LRRC7: variants seen among roughly 807,000 people sequenced by gnomAD.
LRRC7 encodes the protein leucine-rich repeat-containing protein 7.
LRRC7 carries 23 observed loss-of-function variants against 175.7 expected under a neutral mutation model. The observed-to-expected ratio is 0.13, with a 90% confidence interval of 0.09 to 0.19. LRRC7 has a LOEUF of 0.19. Ranked by LOEUF, LRRC7 falls within the 10% of genes least tolerant of loss-of-function variation. The pLI, the probability that LRRC7 is intolerant of heterozygous loss-of-function variation, is 1.00. For synonymous variants in LRRC7, 685 were observed against 680.9 expected (o/e 1.01, Z -0.09); for missense variants, 1,354 against 1,904.7 (o/e 0.71, Z 5.38).
chr1:69,575,558 T>C (rs1448388459), intron 1 of LRRC7, among the ~76,000 whole-genome samples: 1 of 152,194 alleles, frequency 6.6e-6, no homozygotes, highest in African/African-American at 2.4e-5. Context: ...TTTTAAAATA[T>C]CTTTATTTAA....
At chr1:69,627,554 G>T (rs1651798673) in intron 1 of LRRC7, among the ~76,000 whole-genome samples, 3 of 151,968 alleles carry the variant, frequency 2.0e-5, no homozygotes, top group Admixed American at 2.0e-4. Context: ...AGTTTCTTTT[G>T]CTGTGCAGAA....
At chr1:69,919,814 A>G in intron 7 of LRRC7, 1 of 772,896 alleles carries the variant, frequency 1.3e-6, no homozygotes, top group South Asian at 1.7e-5. Flanking sequence ...GGATTCCGGC[A>G]TCCACGTCAT....
chr1:70,097,699 A>G (rs559327704), intron 25 of LRRC7, among the ~76,000 whole-genome samples: 15 of 150,404 alleles, frequency 1.0e-4, no homozygotes, highest in Non-Finnish European at 3.0e-5. Flanking sequence ...CCTATGAGTG[A>G]GAATATGCGG....
At chr1:69,754,365 A>G (rs1570635051) in intron 2 of LRRC7, among the ~76,000 whole-genome samples, 1 of 152,136 alleles carries the variant, frequency 6.6e-6, no homozygotes, top group East Asian at 1.9e-4. Flanking sequence ...CTTGTTCAGG[A>G]AATGTTTAGG....
At chr1:69,893,492 A>G (rs1645894864) in intron 7 of LRRC7, among the ~76,000 whole-genome samples, 1 of 152,230 alleles carries the variant, frequency 6.6e-6, no homozygotes, top group Admixed American at 6.5e-5. Flanking sequence ...GTTTCAGCTT[A>G]TGCTATGTAT....
chr1:69,577,684 A>G (rs1646011595), intron 1 of LRRC7, among the ~76,000 whole-genome samples: 2 of 152,238 alleles, frequency 1.3e-5, no homozygotes, highest in Admixed American at 1.3e-4. Flanking sequence ...AAGATCAGAT[A>G]GTTGTAGATA....
chr1:69,677,789 A>G (rs1477041273), intron 1 of LRRC7, among the ~76,000 whole-genome samples: 1 of 152,084 alleles, frequency 6.6e-6, no homozygotes, highest in Non-Finnish European at 1.5e-5. Flanking sequence ...AAAATACCAT[A>G]GACTCGGTGG....
At chr1:69,750,250 G>A (rs1394285339) in intron 2 of LRRC7, among the ~76,000 whole-genome samples, 1 of 151,808 alleles carries the variant, frequency 6.6e-6, no homozygotes, top group Non-Finnish European at 1.5e-5. Flanking sequence ...GCAAGTTCTA[G>A]TGTTCAGTAG....
intron 5 of LRRC7, among the ~76,000 whole-genome samples, chr1:69,830,953 A>G (rs937612455): frequency 1.2e-4 from 18 of 151,952 alleles, no homozygotes; most frequent in Non-Finnish European, 2.2e-4. Flanking sequence ...AAACTCTGAA[A>G]CAAAATGTTC....
At chr1:69,937,535 C>T (rs545591026) in intron 8 of LRRC7, among the ~76,000 whole-genome samples, 1 of 152,050 alleles carries the variant, frequency 6.6e-6, no homozygotes, top group East Asian at 1.9e-4. Context: ...TCTATATAAA[C>T]TATTTGGTTC....
intron 2 of LRRC7, among the ~76,000 whole-genome samples, chr1:69,717,760 A>AAG (rs1461024195): frequency 1.2e-4 from 5 of 43,354 alleles, no homozygotes; most frequent in African/African-American, 6.0e-4. Context: ...TGGAACATGA[A>AAG]AAAAAGAAAA....
At chr1:69,725,072 T>A (rs1286116617) in intron 2 of LRRC7, among the ~76,000 whole-genome samples, 2 of 152,072 alleles carry the variant, frequency 1.3e-5, no homozygotes, top group Non-Finnish European at 2.9e-5. Context: ...TTAATATATA[T>A]ACATGTTTTA....
intron 7 of LRRC7, among the ~76,000 whole-genome samples, chr1:69,930,718 A>G (rs1349203502): frequency 1.3e-5 from 2 of 152,222 alleles, no homozygotes; most frequent in African/African-American, 2.4e-5. Flanking sequence ...ACAGTTCCAC[A>G]TGGCTGGGCA....
chr1:69,773,428 AT>A (rs1202360400), intron 3 of LRRC7, among the ~76,000 whole-genome samples: 12 of 152,320 alleles, frequency 7.9e-5, no homozygotes, highest in Non-Finnish European at 1.6e-4. Context: ...TGTGAAAGAA[AT>A]GCTGTGAGCT....
At chr1:70,095,098 A>G (rs1664297030) in intron 25 of LRRC7, among the ~76,000 whole-genome samples, 2 of 152,212 alleles carry the variant, frequency 1.3e-5, no homozygotes, top group South Asian at 2.1e-4. Context: ...AATATAATTT[A>G]TATATGTGTC....
chr1:70,138,028 A>G lies in LRRC7; in HGVS notation c.*16141A>G, dbSNP rs1372163076. 1 of 152,242 alleles carries G rather than the reference A, an allele frequency of 6.6e-6. No individual in the cohort carries two copies. The highest frequency in any genetic ancestry group is 1.5e-5 in the Non-Finnish European group (1 of 68,044). The allele number at this position is 152,242 out of a possible 1,614,324, so 9.4% of individuals were successfully genotyped here. A position where few individuals can be genotyped will look rare whatever the true frequency, so the allele number is the denominator to read the frequency against. Reference sequence around the variant, plus strand: ...GAACAGCGACTGTATAATAAAGTTGAGTTCAAAAAGTGTATGAATTCAGTT... The same window carrying G: ...GAACAGCGACTGTATAATAAAGTTGGGTTCAAAAAGTGTATGAATTCAGTT... On this transcript the variant is annotated 3_prime_UTR_variant, in exon 27 of 27. Coordinates refer to ENST00000651989, the MANE Select transcript of LRRC7 (RefSeq NM_001370785.2).
chr1:69,670,370 T>A (rs1022821656), intron 1 of LRRC7, among the ~76,000 whole-genome samples: 1 of 152,204 alleles, frequency 6.6e-6, no homozygotes, highest in Non-Finnish European at 1.5e-5. Context: ...TCAGATCGTT[T>A]CCCTTACTTT....
intron 7 of LRRC7, among the ~76,000 whole-genome samples, chr1:69,839,944 A>G (rs766403054): frequency 7.2e-5 from 11 of 152,060 alleles, no homozygotes; most frequent in Non-Finnish European, 1.6e-4. Context: ...AGGCTTTGAG[A>G]TTGTGGCCCA....
chr1:69,969,110 G>C (rs557390404), intron 8 of LRRC7, among the ~76,000 whole-genome samples: 2 of 151,970 alleles, frequency 1.3e-5, no homozygotes, highest in Non-Finnish European at 2.9e-5. Context: ...GAGCCACCGT[G>C]CCTGGCCAAG....
Sources: allele counts gnomAD v4.1 joint callset (sites outside exome capture counted in the v4.1 genomes callset), GRCh38; gene constraint gnomAD v4.1.1; transcripts MANE v1.5; gene names NCBI Gene and HGNC (gene_info 2026-07-23, HGNC 2026-07-21).